TLN2: variants seen among roughly 807,000 people sequenced by gnomAD.
TLN2 encodes talin-2.
Under a neutral mutation model 294.7 loss-of-function variants are expected in TLN2, and 118 were observed. The observed-to-expected ratio is 0.40, with a 90% CI of 0.34 to 0.47. The LOEUF (loss-of-function observed/expected upper bound fraction) is 0.47, where lower values mean the gene tolerates loss of function less well. Among genes scored for constraint, TLN2 ranks in the 20% least tolerant of loss-of-function variants. The probability of loss-of-function intolerance (pLI) is 0.84; values close to 1 mark genes in which losing one functional copy is unlikely to be tolerated. For synonymous variants in TLN2, 1,431 were observed against 1,304.5 expected (o/e 1.10, Z -2.09); for missense variants, 3,083 against 3,282.2 (o/e 0.94, Z 1.48).
intron 1 of TLN2, among the ~76,000 whole-genome samples, chr15:62,503,461 G>A (rs2039418392): frequency 1.3e-5 from 2 of 152,236 alleles, no homozygotes; most frequent in Admixed American, 1.3e-4. Flanking sequence ...TTTATACACA[G>A]AGAGACTTCT....
intron 9 of TLN2, among the ~76,000 whole-genome samples, chr15:62,669,197 ATTACCC>A (rs1322330728): frequency 1.3e-5 from 2 of 152,228 alleles, no homozygotes; most frequent in Non-Finnish European, 2.9e-5. Context: ...TTTTACAACT[ATTACCC>A]TTAGGAAGAA....
At chr15:62,698,023 C>T (rs1449293533) in intron 15 of TLN2, among the ~76,000 whole-genome samples, 155 bp downstream of exon 15, 1 of 152,218 alleles carries the variant, frequency 6.6e-6, no homozygotes, top group Non-Finnish European at 1.5e-5. Context: ...AATTGGATGA[C>T]TCGGATCACT....
intron 1 of TLN2, among the ~76,000 whole-genome samples, chr15:62,417,012 G>A (rs1428420364): frequency 1.3e-5 from 2 of 152,148 alleles, no homozygotes; most frequent in Non-Finnish European, 2.9e-5. Flanking sequence ...TGGCTCAGAA[G>A]CCTAACAGAT....
intron 2 of TLN2, among the ~76,000 whole-genome samples, chr15:62,612,883 C>A (rs763146798): frequency 6.6e-6 from 1 of 152,182 alleles, no homozygotes; most frequent in Non-Finnish European, 1.5e-5. Context: ...GAAATAATCT[C>A]TTTCTTAAAG....
At chr15:62,599,281 G>T (rs1417631009) in intron 2 of TLN2, among the ~76,000 whole-genome samples, 1 of 152,212 alleles carries the variant, frequency 6.6e-6, no homozygotes, top group Non-Finnish European at 1.5e-5. Flanking sequence ...ACTGGTTGCA[G>T]TGATGACCAA....
At chr15:62,649,621 G>A (rs2052355882) in intron 4 of TLN2, among the ~76,000 whole-genome samples, 2 of 152,062 alleles carry the variant, frequency 1.3e-5, no homozygotes, top group African/African-American at 4.8e-5. Flanking sequence ...CGCTCAGTTG[G>A]GATGATGGAG....
intron 27 of TLN2, among the ~76,000 whole-genome samples, chr15:62,726,114 T>TA (rs2060425970): frequency 3.0e-5 from 1 of 33,136 alleles, no homozygotes; most frequent in Non-Finnish European, 1.2e-4. Flanking sequence ...CAAAGTTCTA[T>TA]ACCCCAGGGA....
intron 1 of TLN2, among the ~76,000 whole-genome samples, chr15:62,399,094 C>T (rs1471874807): frequency 6.6e-6 from 1 of 151,828 alleles, no homozygotes; most frequent in East Asian, 1.9e-4. Flanking sequence ...AGGATGCAAG[C>T]CCCAAGCCGT....
chr15:62,475,347 C>T lies in TLN2; in HGVS notation c.-238+84662C>T, dbSNP rs79797530. Among the ~76,000 whole-genome samples the T allele has an allele frequency of 9.3e-3, 1,412 of 152,302 alleles. 28 individuals carry two copies. Among genetic ancestry groups the T allele is most frequent in the African/African-American group, 0.031 (1,291 of 41,580 alleles). On this transcript the variant is annotated intron_variant, in intron 1 of 58. Coordinates refer to ENST00000636159, the MANE Select transcript of TLN2 (RefSeq NM_015059.3). Reference sequence around the variant, plus strand: ...GCTGAAGGACACCTGAGTTTTATCACGCTCCTCGTTTTATAGATGAGTTGA... The same window carrying T: ...GCTGAAGGACACCTGAGTTTTATCATGCTCCTCGTTTTATAGATGAGTTGA...
At chr15:62,793,550 T>G (rs1308821165) in intron 46 of TLN2, among the ~76,000 whole-genome samples, 1 of 152,186 alleles carries the variant, frequency 6.6e-6, no homozygotes, top group Non-Finnish European at 1.5e-5. Context: ...ATGTAATAAA[T>G]CTAGCTACTG....
Position 62,428,684 on chromosome 15 carries a change from A to G in TLN2, c.-238+37999A>G, listed in dbSNP as rs149778233. Among the ~76,000 whole-genome samples the G allele has an allele frequency of 2.6e-5, 4 of 152,224 alleles. No homozygotes were observed. The East Asian group carries it at 7.7e-4, about 29-fold the overall frequency. ...GAAGAGGAAAAGCTCTTTTTATGAGAGTTACCTGTGCTTATTTCTCTAAAG... is the reference window on the plus strand; with the variant it reads ...GAAGAGGAAAAGCTCTTTTTATGAGGGTTACCTGTGCTTATTTCTCTAAAG... On this transcript the variant is annotated intron_variant, in intron 1 of 58. Coordinates refer to ENST00000636159, the MANE Select transcript of TLN2 (RefSeq NM_015059.3).
chr15:62,485,198 T>C (rs1006067721), intron 1 of TLN2, among the ~76,000 whole-genome samples: 1 of 152,150 alleles, frequency 6.6e-6, no homozygotes, highest in Admixed American at 6.5e-5. Flanking sequence ...CAGGATAATC[T>C]CTCCATCTCA....
intron 11 of TLN2, among the ~76,000 whole-genome samples, chr15:62,685,666 TG>T (rs1002848108): frequency 1.6e-4 from 25 of 152,240 alleles, no homozygotes; most frequent in African/African-American, 5.5e-4. Context: ...CTATTTTAAG[TG>T]AAAACTTATT....
chr15:62,836,529 T>TACTA (rs927407716), intron 57 of TLN2, among the ~76,000 whole-genome samples: 5 of 152,210 alleles, frequency 3.3e-5, no homozygotes, highest in African/African-American at 1.2e-4. Context: ...TCTCATACGT[T>TACTA]ACTAACTCGG....
intron 28 of TLN2, among the ~76,000 whole-genome samples, chr15:62,732,991 G>T (rs976504174): frequency 6.6e-6 from 1 of 152,190 alleles, no homozygotes; most frequent in Non-Finnish European, 1.5e-5. Flanking sequence ...AGTAGAGAAG[G>T]CTGGGCTGGA....
At chr15:62,599,139 A>G (rs1240351642) in intron 2 of TLN2, among the ~76,000 whole-genome samples, 4 of 152,188 alleles carry the variant, frequency 2.6e-5, no homozygotes, top group African/African-American at 9.7e-5. Flanking sequence ...ATCTTGGCCA[A>G]TGATGTTTAT....
chr15:62,683,771 A>G (rs868447840), intron 11 of TLN2, among the ~76,000 whole-genome samples: 2 of 152,120 alleles, frequency 1.3e-5, no homozygotes, highest in African/African-American at 4.8e-5. Flanking sequence ...TGCTTTGTCT[A>G]CTGGAGATAA....
intron 2 of TLN2, among the ~76,000 whole-genome samples, chr15:62,601,872 T>C (rs1369846007): frequency 2.6e-5 from 4 of 152,234 alleles, no homozygotes; most frequent in African/African-American, 9.6e-5. Flanking sequence ...AATATACTTA[T>C]TGATGCTCAG....
intron 1 of TLN2, among the ~76,000 whole-genome samples, chr15:62,466,148 G>A (rs977288325): frequency 1.3e-5 from 2 of 152,182 alleles, no homozygotes; most frequent in African/African-American, 4.8e-5. Flanking sequence ...CGTACTTTAA[G>A]CCCTGAATAA....
Sources: gnomAD v4.1 joint callset for allele counts (sites outside exome capture counted in the v4.1 genomes callset) on GRCh38, gnomAD v4.1.1 for gene constraint, MANE v1.5 for transcripts, NCBI Gene and HGNC (gene_info 2026-07-23, HGNC 2026-07-21) for gene names.